The following LUZP2 variants were observed in gnomAD, a reference collection of about 807,000 sequenced individuals.
The protein encoded by LUZP2 is leucine zipper protein 2.
Under a neutral mutation model 51.6 loss-of-function variants are expected in LUZP2, and 52 were observed. That is an observed-to-expected ratio of 1.01 (90% confidence interval 0.81 to 1.27). The LOEUF (loss-of-function observed/expected upper bound fraction) is 1.27, where lower values mean the gene tolerates loss of function less well. Among genes scored for constraint, LUZP2 ranks in the 50% most tolerant of loss-of-function variants. The pLI is 0.00. For synonymous variants in LUZP2, 154 were observed against 137.3 expected (o/e 1.12, Z -0.85); for missense variants, 436 against 395.4 (o/e 1.10, Z -0.87).
intron 7 of LUZP2, among the ~76,000 whole-genome samples, chr11:24,942,740 A>G (rs187725290): frequency 4.2e-4 from 64 of 152,306 alleles, no homozygotes; most frequent in African/African-American, 1.5e-3. Context: ...TGAAGTCAAA[A>G]TGATACCTGT....
chr11:24,841,289 C>G (rs147054624), intron 5 of LUZP2, among the ~76,000 whole-genome samples: 1,982 of 152,106 alleles, frequency 0.013, 51 homozygotes, highest in African/African-American at 0.045. Context: ...AAGGTGGCTG[C>G]CTACAAGCAA....
At chr11:24,549,277 G>A (rs1450517945) in intron 1 of LUZP2, among the ~76,000 whole-genome samples, 1 of 152,064 alleles carries the variant, frequency 6.6e-6, no homozygotes, top group Admixed American at 6.6e-5. Context: ...CTCACTGGGT[G>A]AGGATTATCA....
chr11:25,030,008 A>C (rs189225495), intron 9 of LUZP2, among the ~76,000 whole-genome samples: 1 of 152,208 alleles, frequency 6.6e-6, no homozygotes, highest in East Asian at 1.9e-4. Context: ...AACCAACATA[A>C]CCACATGATT....
chr11:25,003,291 T>A (rs559795875), intron 9 of LUZP2, among the ~76,000 whole-genome samples: 2 of 152,100 alleles, frequency 1.3e-5, no homozygotes, highest in Non-Finnish European at 2.9e-5. Context: ...CCTAAACCCT[T>A]GGGGCAAGAT....
intron 7 of LUZP2, among the ~76,000 whole-genome samples, chr11:24,939,508 T>C (rs2133847029): frequency 6.6e-6 from 1 of 151,934 alleles, no homozygotes; most frequent in East Asian, 1.9e-4. Flanking sequence ...CTTGAAGGCA[T>C]TGCACCAATG....
intron 1 of LUZP2, among the ~76,000 whole-genome samples, chr11:24,675,875 G>C (rs1253553383): frequency 2.0e-5 from 3 of 151,536 alleles, no homozygotes; most frequent in African/African-American, 7.3e-5. Context: ...CTGGAGTACA[G>C]TGGTGCGATC....
At chr11:24,913,100 A>T (rs1590721297) in intron 6 of LUZP2, among the ~76,000 whole-genome samples, 1 of 152,156 alleles carries the variant, frequency 6.6e-6, no homozygotes, top group African/African-American at 2.4e-5. Context: ...GTACAGTCTG[A>T]TGGATTTGAC....
At chr11:24,882,322 C>T (rs1852496319) in intron 5 of LUZP2, among the ~76,000 whole-genome samples, 1 of 150,538 alleles carries the variant, frequency 6.6e-6, no homozygotes, top group African/African-American at 2.5e-5. Context: ...GTTTTAGGTT[C>T]ACAGAAAAAT....
intron 5 of LUZP2, among the ~76,000 whole-genome samples, chr11:24,859,048 T>A (rs968827883): frequency 1.3e-5 from 2 of 152,152 alleles, no homozygotes; most frequent in African/African-American, 2.4e-5. Context: ...GAAAGATTTG[T>A]TTACTCACCC....
intron 1 of LUZP2, among the ~76,000 whole-genome samples, chr11:24,600,802 A>G (rs1346448371): frequency 6.6e-6 from 1 of 152,158 alleles, no homozygotes; most frequent in Non-Finnish European, 1.5e-5. Flanking sequence ...TGCATTACCT[A>G]TTATAGCTGT....
intron 1 of LUZP2, among the ~76,000 whole-genome samples, chr11:24,645,375 TAATTATATGGTATTG>T (rs1484799586): frequency 6.6e-6 from 1 of 152,170 alleles, no homozygotes; most frequent in Non-Finnish European, 1.5e-5. Flanking sequence ...GAGCTTTGCA[TAATTATATGGTATTG>T]AATTATATGG....
intron 5 of LUZP2, among the ~76,000 whole-genome samples, chr11:24,880,825 CTA>C (rs1268307847): frequency 6.6e-6 from 1 of 151,848 alleles, no homozygotes; most frequent in African/African-American, 2.4e-5. Context: ...TGCTAGACAC[CTA>C]TTAGCTGCTT....
chr11:24,737,368 C>T (rs149129466), intron 3 of LUZP2, among the ~76,000 whole-genome samples: 29 of 152,058 alleles, frequency 1.9e-4, no homozygotes, highest in African/African-American at 6.7e-4. Context: ...TGGTAAGACT[C>T]AAATAGGTTT....
At chr11:24,667,832 G>T (rs548967485) in intron 1 of LUZP2, among the ~76,000 whole-genome samples, 4 of 152,260 alleles carry the variant, frequency 2.6e-5, no homozygotes, top group African/African-American at 9.6e-5. Flanking sequence ...TGACCCCTCA[G>T]CAATGAAAGT....
intron 9 of LUZP2, among the ~76,000 whole-genome samples, chr11:24,985,282 G>T (rs1478380245): frequency 6.6e-6 from 1 of 151,626 alleles, no homozygotes. Context: ...CTTAGTAGTA[G>T]ATCAGGTCAT....
chr11:24,678,720 A>G (rs1856643487), intron 1 of LUZP2, among the ~76,000 whole-genome samples: 1 of 152,218 alleles, frequency 6.6e-6, no homozygotes, highest in African/African-American at 2.4e-5. Context: ...TTTGGAATGT[A>G]TCAGAAGAGA....
intron 10 of LUZP2, among the ~76,000 whole-genome samples, chr11:25,059,497 A>G (rs1044028005): frequency 5.9e-5 from 9 of 152,230 alleles, no homozygotes; most frequent in African/African-American, 1.4e-4. Flanking sequence ...ATTTCCATAA[A>G]TAATTTCCAA....
chr11:24,764,096 C>A (rs1052793826), intron 5 of LUZP2, among the ~76,000 whole-genome samples: 15 of 151,970 alleles, frequency 9.9e-5, no homozygotes, highest in Non-Finnish European at 1.5e-4. Flanking sequence ...TTACTCAAAT[C>A]AAAAAATGCT....
chr11:25,073,804 C>T (rs1273720834), intron 10 of LUZP2, among the ~76,000 whole-genome samples: 1 of 151,800 alleles, frequency 6.6e-6, no homozygotes, highest in East Asian at 1.9e-4. Context: ...GTTTTGTAAC[C>T]ATTAATGTTA....
Sources: gnomAD v4.1 joint callset for allele counts (sites outside exome capture counted in the v4.1 genomes callset) on GRCh38, gnomAD v4.1.1 for gene constraint, MANE v1.5 for transcripts, NCBI Gene and HGNC (gene_info 2026-07-23, HGNC 2026-07-21) for gene names.